The following GRB10 variants were observed in gnomAD, a reference collection of about 807,000 sequenced individuals.
GRB10 encodes growth factor receptor bound protein 10, also known as growth factor receptor-bound protein 10.
GRB10 carries 20 observed loss-of-function variants against 80.9 expected under a neutral mutation model. The ratio of observed to expected loss-of-function variants is 0.25; its 90% CI spans 0.17 to 0.36. The LOEUF (loss-of-function observed/expected upper bound fraction) is 0.36. Ranked by LOEUF, GRB10 falls within the 10% of genes least tolerant of loss-of-function variation. The probability of loss-of-function intolerance (pLI) is 1.00; values close to 1 mark genes in which losing one functional copy is unlikely to be tolerated. For missense variants in GRB10, 548 were observed against 747.7 expected (o/e 0.73, Z 3.12); for synonymous variants, 291 against 291.5 (o/e 1.00, Z 0.02).
chr7:50,649,364 G>A (rs1336425516), intron 7 of GRB10, among the ~76,000 whole-genome samples: 1 of 152,206 alleles, frequency 6.6e-6, no homozygotes, highest in Non-Finnish European at 1.5e-5. Context: ...CCTGAATGAT[G>A]ACCAAGTGGC....
chr7:50,705,418 T>G (rs1466720130), intron 4 of GRB10: 3 of 420,284 alleles, frequency 7.1e-6, no homozygotes, highest in African/African-American at 6.5e-5. Flanking sequence ...AATAGCTTTC[T>G]TTTCATTTTT....
intron 3 of GRB10, among the ~76,000 whole-genome samples, chr7:50,734,927 T>C (rs2070526432): frequency 6.6e-6 from 1 of 152,190 alleles, no homozygotes; most frequent in South Asian, 2.1e-4. Context: ...ACCACTTCTA[T>C]TCAACATAGT....
chr7:50,661,197 G>A (rs995475637), intron 7 of GRB10, among the ~76,000 whole-genome samples: 7 of 152,220 alleles, frequency 4.6e-5, no homozygotes, highest in African/African-American at 1.7e-4. Context: ...TCTCAGCAAA[G>A]ATGGTCTAAC....
exon 1 of GRB10, chr7:50,793,453 C>G (rs1272978439): frequency 1.4e-5 from 2 of 147,908 alleles, no homozygotes; most frequent in Non-Finnish European, 3.0e-5. Context: ...TGCCTCCTCC[C>G]GACCTCCCCA....
chr7:50,662,259 T>C (rs1225170567), intron 7 of GRB10, among the ~76,000 whole-genome samples: 2 of 152,102 alleles, frequency 1.3e-5, no homozygotes, highest in African/African-American at 4.8e-5. Flanking sequence ...TGGGCCTCCT[T>C]TTCAGAGAGG....
intron 5 of GRB10, among the ~76,000 whole-genome samples, chr7:50,687,350 G>A (rs2062222201): frequency 6.6e-6 from 1 of 152,164 alleles, no homozygotes; most frequent in South Asian, 2.1e-4. Flanking sequence ...GCCTCCCTGC[G>A]ACTCCGTAGG....
At chr7:50,647,393 C>A (rs1318157937) in intron 7 of GRB10, among the ~76,000 whole-genome samples, 1 of 152,154 alleles carries the variant, frequency 6.6e-6, no homozygotes, top group Admixed American at 6.5e-5. Context: ...GTCAGATTGG[C>A]CGAACCTTTT....
At chr7:50,666,471 G>C (rs1039945669) in intron 7 of GRB10, among the ~76,000 whole-genome samples, 1 of 152,160 alleles carries the variant, frequency 6.6e-6, no homozygotes, top group African/African-American at 2.4e-5. Context: ...TTGGCCCGTA[G>C]CCTTTACAGG....
At position 50,782,879 on chromosome 7, in the gene GRB10, G is replaced by C. The variant is rs1374429775; in HGVS notation, c.-782C>G. The C allele has an allele frequency of 6.6e-6, 1 of 152,200 alleles. No individual in the cohort carries two copies. The highest frequency in any genetic ancestry group is 2.4e-5 in the African/African-American group (1 of 41,446). 9.4% of individuals were successfully genotyped at this position (152,200 alleles called of 1,614,324 possible). Reference sequence around the variant, plus strand: ...GACGACGGAGCAGCGCCCGGTCCTGGAGCACAACAGGAATCCCAGGACCAA... The same window carrying C: ...GACGACGGAGCAGCGCCCGGTCCTGCAGCACAACAGGAATCCCAGGACCAA... On this transcript the variant is annotated 5_prime_UTR_variant, in exon 1 of 19. Coordinates refer to ENST00000401949, the MANE Select transcript of GRB10 (RefSeq NM_001350814.2). This position sits in a 1 kb window ranked among gnomAD's most constrained non-coding sequence, Gnocchi z 6.6.
Position 50,599,349 on chromosome 7 carries a change from G to T in GRB10, c.1545-3819C>A, listed in dbSNP as rs1267145526. On this transcript the variant is annotated intron_variant, in intron 17 of 18. Coordinates refer to ENST00000401949, the MANE Select transcript of GRB10 (RefSeq NM_001350814.2). Reference sequence around the variant, plus strand: ...GAATCTTGTGCTGTTTTTCGAGGTGGTTTTCTTTTCTTTGTTGTTTAACTC... The same window carrying T: ...GAATCTTGTGCTGTTTTTCGAGGTGTTTTTCTTTTCTTTGTTGTTTAACTC... Among the ~76,000 whole-genome samples, 3 of 152,200 alleles carry T rather than the reference G, an allele frequency of 2.0e-5. No homozygotes were observed. In the East Asian group the frequency reaches 5.8e-4, roughly 29 times the overall value.
At chr7:50,680,705 T>C (rs1395076889) in intron 5 of GRB10, among the ~76,000 whole-genome samples, 1 of 152,218 alleles carries the variant, frequency 6.6e-6, no homozygotes, top group African/African-American at 2.4e-5. Flanking sequence ...TAGACAAAGC[T>C]AAAATCACAA....
intron 3 of GRB10, among the ~76,000 whole-genome samples, chr7:50,740,854 A>G (rs1226136533): frequency 6.6e-6 from 1 of 152,038 alleles, no homozygotes; most frequent in Non-Finnish European, 1.5e-5. Context: ...CAAGGCAAAT[A>G]GAAAAGCTTT....
intron 7 of GRB10, among the ~76,000 whole-genome samples, chr7:50,639,406 T>C (rs1182957870): frequency 1.3e-5 from 2 of 152,218 alleles, no homozygotes; most frequent in Non-Finnish European, 2.9e-5. Context: ...CCAGGCGCAG[T>C]GGCTCACGCC....
At chr7:50,707,288 ATCAGT>A (rs966589087) in intron 4 of GRB10, among the ~76,000 whole-genome samples, 1 of 152,194 alleles carries the variant, frequency 6.6e-6, no homozygotes, top group African/African-American at 2.4e-5. Flanking sequence ...AAAGTAGTTG[ATCAGT>A]TCTACCAGGC....
chr7:50,655,865 T>C (rs1354052220), intron 7 of GRB10, among the ~76,000 whole-genome samples: 4 of 152,216 alleles, frequency 2.6e-5, no homozygotes, highest in Admixed American at 2.6e-4. Context: ...CTGTATGCCT[T>C]CCAAGGCACT....
intron 5 of GRB10, among the ~76,000 whole-genome samples, chr7:50,692,817 T>C (rs1355550871): frequency 6.6e-6 from 1 of 152,154 alleles, no homozygotes; most frequent in Non-Finnish European, 1.5e-5. Flanking sequence ...ACAGGCAGCT[T>C]ATACATATAG....
chr7:50,678,430 C>T (rs1270501612), intron 5 of GRB10, among the ~76,000 whole-genome samples: 5 of 152,178 alleles, frequency 3.3e-5, no homozygotes, highest in Non-Finnish European at 7.3e-5. Flanking sequence ...TTCATACTTT[C>T]CAGAGCCATT....
At position 50,693,719 on chromosome 7, in the gene GRB10, C is replaced by A. The variant is rs151285038; in HGVS notation, c.139+10102G>T. 1.1e-3 allele frequency among the ~76,000 whole-genome samples: 162 copies of A among 152,164 alleles called. 1 individual carries two copies. The highest frequency in any genetic ancestry group is 3.7e-3 in the African/African-American group (154 of 41,500). ...CCCTGTTCTCCAGACGGAACAAAGG[C>A]ATGATGAATGTGTGTGCTTTGCAGG... On this transcript the variant is annotated intron_variant, in intron 5 of 18. Transcript: ENST00000401949.
chr7:50,687,843 A>G (rs1228612147), intron 5 of GRB10, among the ~76,000 whole-genome samples: 4 of 152,220 alleles, frequency 2.6e-5, no homozygotes, highest in Non-Finnish European at 5.9e-5. Context: ...GAAGGTGAAA[A>G]TAAGTGTGTC....
Sources: allele counts gnomAD v4.1 joint callset (sites outside exome capture counted in the v4.1 genomes callset), GRCh38; gene constraint gnomAD v4.1.1; non-coding constraint Gnocchi (gnomAD v3.1); transcripts MANE v1.5; gene names NCBI Gene and HGNC (gene_info 2026-07-23, HGNC 2026-07-21).